Variants in PAX5 observed in about 807,000 individuals in gnomAD.
PAX5 encodes paired box 5.
A neutral mutation model predicts 43.7 loss-of-function variants in PAX5; 9 were observed. The ratio of observed to expected loss-of-function variants is 0.21; its 90% confidence interval spans 0.12 to 0.36. The LOEUF (loss-of-function observed/expected upper bound fraction) is 0.36, where lower values mean the gene tolerates loss of function less well. Among genes scored for constraint, PAX5 ranks in the 10% least tolerant of loss-of-function variants. PAX5 has a pLI of 1.00. For synonymous variants in PAX5, 228 were observed against 214.3 expected, an observed-to-expected ratio of 1.06 and a Z score of -0.56; for missense variants, 383 against 532.7, an observed-to-expected ratio of 0.72 and a Z score of 2.77.
intron 6 of PAX5, among the ~76,000 whole-genome samples, chr9:36,939,107 G>A (rs1315933799): frequency 6.6e-6 from 1 of 152,210 alleles, no homozygotes; most frequent in Non-Finnish European, 1.5e-5. Context: ...CCTTCTCAGC[G>A]GGAGTATGTA....
At chr9:37,030,526 A>G (rs945843234) in intron 1 of PAX5, among the ~76,000 whole-genome samples, 2 of 152,216 alleles carry the variant, frequency 1.3e-5, no homozygotes. Context: ...ACTCTGATCT[A>G]CAGTGATGCG....
intron 5 of PAX5, among the ~76,000 whole-genome samples, chr9:36,973,293 T>A (rs1268631535): frequency 6.6e-6 from 1 of 152,158 alleles, no homozygotes; most frequent in Admixed American, 6.5e-5. Flanking sequence ...AGTTTGCTGC[T>A]TGTAACCACA....
At chr9:36,961,954 G>A (rs2132165214) in intron 6 of PAX5, among the ~76,000 whole-genome samples, 1 of 152,328 alleles carries the variant, frequency 6.6e-6, no homozygotes, top group Admixed American at 6.5e-5. Flanking sequence ...AAAAGGAAGT[G>A]TTTCATTGCC....
At chr9:36,851,086 A>C (rs1212088808) in intron 8 of PAX5, among the ~76,000 whole-genome samples, 1 of 152,206 alleles carries the variant, frequency 6.6e-6, no homozygotes, top group Admixed American at 6.5e-5. Context: ...AAGCGATTGA[A>C]CCTTCCAGGC....
intron 6 of PAX5, among the ~76,000 whole-genome samples, chr9:36,964,518 G>A (rs1210879505): frequency 6.6e-6 from 1 of 151,504 alleles, no homozygotes; most frequent in Admixed American, 6.6e-5. Flanking sequence ...CTTGAACCTA[G>A]GAGGTGGAGG....
intron 7 of PAX5, among the ~76,000 whole-genome samples, chr9:36,914,335 T>C (rs934951202): frequency 6.6e-6 from 1 of 152,216 alleles, no homozygotes; most frequent in African/African-American, 2.4e-5. Flanking sequence ...TACTTTGTTT[T>C]ACTTGGAACT....
chr9:36,849,022 T>C (rs1170786192), intron 8 of PAX5, among the ~76,000 whole-genome samples: 1 of 152,180 alleles, frequency 6.6e-6, no homozygotes, highest in Non-Finnish European at 1.5e-5. Flanking sequence ...GGCTACCTTT[T>C]CCTCTGGGAA....
At chr9:36,937,128 C>A (rs1831625671) in intron 6 of PAX5, among the ~76,000 whole-genome samples, 1 of 152,204 alleles carries the variant, frequency 6.6e-6, no homozygotes, top group Non-Finnish European at 1.5e-5. Context: ...TCCCCCTACA[C>A]CCTCACATAC....
chr9:36,941,743 A>G (rs932358799), intron 6 of PAX5, among the ~76,000 whole-genome samples: 1 of 144,256 alleles, frequency 6.9e-6, no homozygotes, highest in Non-Finnish European at 1.5e-5. Flanking sequence ...GATTCTGGTC[A>G]CGTCACAGGG....
At chr9:36,986,314 T>C (rs895089732) in intron 5 of PAX5, among the ~76,000 whole-genome samples, 2 of 147,340 alleles carry the variant, frequency 1.4e-5, no homozygotes, top group African/African-American at 2.4e-5. Flanking sequence ...CGCTGGGACC[T>C]GCAGGGCGCG....
At chr9:36,964,593 A>T (rs1834257918) in intron 6 of PAX5, among the ~76,000 whole-genome samples, 1 of 121,324 alleles carries the variant, frequency 8.2e-6, no homozygotes, top group Admixed American at 7.5e-5. Flanking sequence ...ACTCCAGCTC[A>T]CAAAAAAAAA....
intron 8 of PAX5, among the ~76,000 whole-genome samples, chr9:36,863,934 C>A (rs553985268): frequency 2.0e-5 from 3 of 152,324 alleles, no homozygotes; most frequent in Middle Eastern, 3.4e-3. Context: ...CATGGTGAAA[C>A]CCCGTCTCTA....
intron 7 of PAX5, among the ~76,000 whole-genome samples, chr9:36,898,970 C>T (rs1828128863): frequency 6.6e-6 from 1 of 152,164 alleles, no homozygotes; most frequent in Non-Finnish European, 1.5e-5. Flanking sequence ...CACCTCTGAT[C>T]CATGGGACCC....
chr9:37,020,570 G>T (rs1323272223), intron 2 of PAX5, 66 bp downstream of exon 2: 5 of 1,488,890 alleles, frequency 3.4e-6, no homozygotes, highest in Non-Finnish European at 1.9e-6. Context: ...ATATTGGACA[G>T]CTGCTGGGTC....
intron 5 of PAX5, among the ~76,000 whole-genome samples, chr9:36,997,526 C>T (rs1023916305): frequency 2.0e-5 from 3 of 152,194 alleles, no homozygotes; most frequent in Non-Finnish European, 2.9e-5. Flanking sequence ...CACCCATGGC[C>T]GCTATTCACA....
chr9:37,006,450 T>A (rs773633555), intron 4 of PAX5, 23 bp downstream of exon 4: 1 of 1,581,866 alleles, frequency 6.3e-7, no homozygotes, highest in African/African-American at 1.3e-5. Context: ...GATTTTTAAA[T>A]TTTTTTTAAA....
chr9:36,973,893 G>A (rs954049234), intron 5 of PAX5, among the ~76,000 whole-genome samples: 9 of 152,250 alleles, frequency 5.9e-5, no homozygotes, highest in South Asian at 2.1e-4. Flanking sequence ...GCAGCTACTC[G>A]GGAGGCTGAA....
chr9:36,877,610 C>G (rs557798278), intron 8 of PAX5, among the ~76,000 whole-genome samples: 30 of 152,268 alleles, frequency 2.0e-4, no homozygotes, highest in African/African-American at 7.0e-4. Flanking sequence ...CCCTCGGGGT[C>G]AATGCAATGG....
intron 7 of PAX5, among the ~76,000 whole-genome samples, chr9:36,916,889 T>G (rs1368404600): frequency 6.6e-6 from 1 of 152,158 alleles, no homozygotes; most frequent in Non-Finnish European, 1.5e-5. Flanking sequence ...TTCACCATGT[T>G]GACCAGGCTG....
Sources: gnomAD v4.1 joint callset for allele counts (sites outside exome capture counted in the v4.1 genomes callset) on GRCh38, gnomAD v4.1.1 for gene constraint, MANE v1.5 for transcripts, NCBI Gene and HGNC (gene_info 2026-07-23, HGNC 2026-07-21) for gene names.